Variants in ZNF385D observed in about 807,000 individuals in gnomAD.
The protein encoded by ZNF385D is zinc finger protein 385D, also known as zinc finger protein 659.
In ZNF385D, 15 loss-of-function variants were observed where a neutral mutation model predicts 35.8. That is an observed-to-expected ratio of 0.42 (90% CI 0.28 to 0.64). The LOEUF (loss-of-function observed/expected upper bound fraction) is 0.64, where lower values mean the gene tolerates loss of function less well. Ranked by LOEUF, ZNF385D falls within the 30% of genes least tolerant of loss-of-function variation. The probability of loss-of-function intolerance (pLI) is 0.23; values close to 1 mark genes in which losing one functional copy is unlikely to be tolerated. For synonymous variants in ZNF385D, 212 were observed against 186.8 expected, an observed-to-expected ratio of 1.13 and a Z score of -1.10; for missense variants, 474 against 494.6, an observed-to-expected ratio of 0.96 and a Z score of 0.39.
chr3:21,801,141 T>G (rs1054003015), intron 3 of ZNF385D, among the ~76,000 whole-genome samples: 1 of 152,218 alleles, frequency 6.6e-6, no homozygotes, highest in Admixed American at 6.5e-5. Flanking sequence ...TGATTTCATA[T>G]GTTGAATCAC....
chr3:22,223,629 A>G (rs1381782191), intron 2 of ZNF385D, among the ~76,000 whole-genome samples: 1 of 152,142 alleles, frequency 6.6e-6, no homozygotes, highest in Non-Finnish European at 1.5e-5. Flanking sequence ...TTAAAAGCAT[A>G]CTATGCACCA....
intron 5 of ZNF385D, among the ~76,000 whole-genome samples, chr3:21,428,933 C>CTTTTTTTTTTTTTTTTTTTTTTTTTTTT (rs56827844): frequency 8.0e-5 from 9 of 112,036 alleles, no homozygotes; most frequent in Non-Finnish European, 1.5e-4. Flanking sequence ...CCAAGAAATC[C>CTTTTTTTTTTTTTTTTTTTTTTTTTTTT]TTTTTTTTTT....
At chr3:22,310,256 G>C (rs975274272) in intron 2 of ZNF385D, among the ~76,000 whole-genome samples, 12 of 151,822 alleles carry the variant, frequency 7.9e-5, no homozygotes, top group Non-Finnish European at 1.6e-4. Flanking sequence ...TAACTTCTTG[G>C]AACTTCATTT....
At chr3:22,250,338 T>C (rs75297806) in intron 2 of ZNF385D, among the ~76,000 whole-genome samples, 219 of 151,270 alleles carry the variant, frequency 1.4e-3, no homozygotes, top group African/African-American at 5.0e-3. Context: ...ATTTATCAAT[T>C]TAGATTTTAA....
intron 1 of ZNF385D, among the ~76,000 whole-genome samples, chr3:21,707,111 T>A (rs958877817): frequency 6.6e-6 from 1 of 152,178 alleles, no homozygotes; most frequent in African/African-American, 2.4e-5. Flanking sequence ...TATTTTTTTT[T>A]AATTGAGCAA....
chr3:21,576,389 G>A (rs2063497989), intron 2 of ZNF385D, among the ~76,000 whole-genome samples: 1 of 152,104 alleles, frequency 6.6e-6, no homozygotes, highest in Non-Finnish European at 1.5e-5. Flanking sequence ...AATGTTCTAT[G>A]GTAGCTTAAT....
intron 3 of ZNF385D, among the ~76,000 whole-genome samples, chr3:21,874,398 G>C (rs1468195027): frequency 6.6e-6 from 1 of 151,916 alleles, no homozygotes; most frequent in African/African-American, 2.4e-5. Flanking sequence ...AAATTTTTTA[G>C]ATATTAACTC....
At chr3:21,775,292 C>T (rs1318242770) in intron 3 of ZNF385D, among the ~76,000 whole-genome samples, 1 of 151,836 alleles carries the variant, frequency 6.6e-6, no homozygotes, top group Non-Finnish European at 1.5e-5. Context: ...GAATTGGCAC[C>T]TGTTTCCTAA....
At chr3:21,768,913 T>C (rs1392933298) in intron 3 of ZNF385D, among the ~76,000 whole-genome samples, 1 of 152,006 alleles carries the variant, frequency 6.6e-6, no homozygotes, top group Non-Finnish European at 1.5e-5. Flanking sequence ...GGAAAACTAC[T>C]AAATAAATGG....
intron 3 of ZNF385D, among the ~76,000 whole-genome samples, chr3:22,025,079 G>A (rs1010176675): frequency 6.6e-6 from 1 of 152,176 alleles, no homozygotes; most frequent in Admixed American, 6.5e-5. Flanking sequence ...TTGGAATGGG[G>A]ACATGTGGGA....
chr3:21,681,365 G>A (rs1330266436), intron 1 of ZNF385D, among the ~76,000 whole-genome samples: 2 of 133,092 alleles, frequency 1.5e-5, no homozygotes, highest in South Asian at 2.5e-4. Context: ...TGATTGGCAT[G>A]AAACAAATTA....
chr3:22,322,734 T>C (rs1471959220), intron 2 of ZNF385D, among the ~76,000 whole-genome samples: 1 of 152,244 alleles, frequency 6.6e-6, no homozygotes, highest in East Asian at 1.9e-4. Flanking sequence ...CCACATGCTA[T>C]TCCTCTGTAT....
intron 2 of ZNF385D, among the ~76,000 whole-genome samples, chr3:21,590,754 G>T (rs2063950426): frequency 6.6e-6 from 1 of 152,002 alleles, no homozygotes; most frequent in Non-Finnish European, 1.5e-5. Context: ...GTCTAACGCT[G>T]CCTAATCAAT....
At chr3:22,206,219 G>A (rs944208728) in intron 2 of ZNF385D, among the ~76,000 whole-genome samples, 4 of 151,898 alleles carry the variant, frequency 2.6e-5, no homozygotes, top group African/African-American at 9.7e-5. Context: ...ATAAATTTAT[G>A]AAGAGGATAC....
At chr3:21,819,651 ATATT>A (rs1302370826) in intron 3 of ZNF385D, among the ~76,000 whole-genome samples, 2 of 146,050 alleles carry the variant, frequency 1.4e-5, no homozygotes, top group African/African-American at 5.0e-5. Context: ...TCTATATTAT[ATATT>A]TATGTGTATT....
At chr3:21,430,064 T>TTC (rs767610222) in intron 5 of ZNF385D, among the ~76,000 whole-genome samples, 6 of 152,120 alleles carry the variant, frequency 3.9e-5, no homozygotes, top group Non-Finnish European at 5.9e-5. Flanking sequence ...TGTGTTCTTT[T>TTC]AAAAATCTCT....
chr3:21,444,411 G>A (rs1374177257), intron 4 of ZNF385D, among the ~76,000 whole-genome samples: 22 of 138,032 alleles, frequency 1.6e-4, no homozygotes, highest in Admixed American at 1.5e-3. Flanking sequence ...TTGAGATGGA[G>A]CCTCACTCTG....
intron 3 of ZNF385D, among the ~76,000 whole-genome samples, chr3:22,114,253 A>G (rs1263932114): frequency 6.6e-6 from 1 of 152,064 alleles, no homozygotes; most frequent in Non-Finnish European, 1.5e-5. Flanking sequence ...AACATTAAAT[A>G]TTTATATTGG....
chr3:21,819,418 G>C (rs1048372406), intron 3 of ZNF385D, among the ~76,000 whole-genome samples: 5 of 150,940 alleles, frequency 3.3e-5, no homozygotes, highest in Admixed American at 6.6e-5. Context: ...AAAACGGTGA[G>C]AAAGTACATA....
Sources: gnomAD v4.1 joint callset for allele counts (sites outside exome capture counted in the v4.1 genomes callset) on GRCh38, gnomAD v4.1.1 for gene constraint, MANE v1.5 for transcripts, NCBI Gene and HGNC (gene_info 2026-07-23, HGNC 2026-07-21) for gene names.